Variants in HSPBAP1 observed in about 807,000 individuals in gnomAD.
The protein encoded by HSPBAP1 is HSPB1 associated protein 1.
In HSPBAP1, 27 loss-of-function variants were observed where a neutral mutation model predicts 45.2. The ratio of observed to expected loss-of-function variants is 0.60; its 90% CI spans 0.44 to 0.82. The LOEUF (loss-of-function observed/expected upper bound fraction) is 0.82. Among genes scored for constraint, HSPBAP1 ranks in the 40% least tolerant of loss-of-function variants. HSPBAP1 has a pLI of 0.00. For synonymous variants in HSPBAP1, 204 were observed against 202.7 expected, an observed-to-expected ratio of 1.01 and a Z score of -0.06; for missense variants, 510 against 590.9, an observed-to-expected ratio of 0.86 and a Z score of 1.42.
intron 3 of HSPBAP1, among the ~76,000 whole-genome samples, chr3:122,762,702 TTTTAA>T (rs781697614): frequency 2.0e-5 from 3 of 152,212 alleles, no homozygotes; most frequent in Non-Finnish European, 4.4e-5. Flanking sequence ...TGTCATGAAT[TTTTAA>T]TTTAATTCTG....
chr3:122,778,041 A>G, intron 1 of HSPBAP1, 135 bp from the exon 2 acceptor site: 1 of 644,034 alleles, frequency 1.6e-6, no homozygotes, highest in South Asian at 2.0e-5. Flanking sequence ...TACGTCATTT[A>G]CTGCTGTTTA....
At chr3:122,754,801 T>C (rs879169034) in intron 5 of HSPBAP1, 1 of 986,378 alleles carries the variant, frequency 1.0e-6, no homozygotes, top group Admixed American at 6.1e-5. Context: ...CCATTTTTGC[T>C]TAAAAGCAAA....
chr3:122,764,961 A>G (rs1286572827), intron 3 of HSPBAP1, among the ~76,000 whole-genome samples: 1 of 152,238 alleles, frequency 6.6e-6, no homozygotes, highest in Admixed American at 6.5e-5. Context: ...CCCAAAATAC[A>G]GTAGATGGAA....
At chr3:122,771,389 A>C (rs1934990867) in intron 2 of HSPBAP1, among the ~76,000 whole-genome samples, 1 of 152,196 alleles carries the variant, frequency 6.6e-6, no homozygotes. Flanking sequence ...AGGCAACTAT[A>C]ATGTTCATCC....
intron 2 of HSPBAP1, among the ~76,000 whole-genome samples, chr3:122,773,342 C>A (rs1935075118): frequency 7.7e-6 from 1 of 129,210 alleles, no homozygotes. Context: ...CAGAGTCTCA[C>A]TCTGTGGCCC....
At position 122,741,047 on chromosome 3, in the gene HSPBAP1, C is replaced by A. The variant is rs1040761242; in HGVS notation, c.892G>T (p.Ala298Ser). 6.2e-7 allele frequency: 1 copy of A among 1,614,060 alleles called. No homozygotes were observed. The highest frequency in any genetic ancestry group is 1.3e-5 in the African/African-American group (1 of 74,930). The change falls in exon 7 of 8, where the codon GCA becomes TCA. Residue 298 changes from alanine (A) to serine (S), a missense_variant. Ala to Ser is a moderately conservative substitution (Grantham distance 99). Coordinates refer to ENST00000306103, the MANE Select transcript of HSPBAP1 (RefSeq NM_024610.6). ...TRMLVCALKT[A>S]ENPQNTRAWL... ...GCTCTGGTATTTTGTGGATTCTCTGCAGTTTTCAGGGCACACACAAGCATA... is the reference window on the plus strand; with the variant it reads ...GCTCTGGTATTTTGTGGATTCTCTGAAGTTTTCAGGGCACACACAAGCATA...
At chr3:122,773,948 T>A (rs1253758536) in intron 2 of HSPBAP1, among the ~76,000 whole-genome samples, 3 of 152,234 alleles carry the variant, frequency 2.0e-5, no homozygotes, top group Admixed American at 2.0e-4. Context: ...CTGAAAGATC[T>A]TTAAGATAAA....
At chr3:122,767,225 T>G (rs538289619) in intron 3 of HSPBAP1, among the ~76,000 whole-genome samples, 1 of 152,352 alleles carries the variant, frequency 6.6e-6, no homozygotes, top group African/African-American at 2.4e-5. Flanking sequence ...GGTATGAGAA[T>G]GAAAATACAT....
At chr3:122,780,593 C>T (rs1935410204) in intron 1 of HSPBAP1, among the ~76,000 whole-genome samples, 2 of 144,606 alleles carry the variant, frequency 1.4e-5, no homozygotes, top group Admixed American at 6.8e-5. Context: ...GGCGGCTGGC[C>T]GGGCGGGGGG....
chr3:122,785,673 T>C (rs371138497), intron 1 of HSPBAP1, among the ~76,000 whole-genome samples: 1 of 152,216 alleles, frequency 6.6e-6, no homozygotes, highest in South Asian at 2.1e-4. Context: ...GTGATGGTCC[T>C]GAATAGTCTT....
At chr3:122,793,373 A>G (rs1183918423) in intron 1 of HSPBAP1, among the ~76,000 whole-genome samples, 2 of 152,262 alleles carry the variant, frequency 1.3e-5, no homozygotes, top group Non-Finnish European at 2.9e-5. Flanking sequence ...AAAACAAAAC[A>G]AAACAAAAAT....
intron 5 of HSPBAP1, chr3:122,754,613 A>G (rs1209737754): frequency 1.0e-6 from 1 of 984,306 alleles, no homozygotes; most frequent in African/African-American, 1.7e-5. Flanking sequence ...CAGGCAAGGG[A>G]GAGGGATAAT....
intron 6 of HSPBAP1, among the ~76,000 whole-genome samples, chr3:122,744,636 T>C (rs866271794): frequency 9.2e-5 from 14 of 152,230 alleles, no homozygotes; most frequent in Admixed American, 8.5e-4. Flanking sequence ...GAAATCAGCA[T>C]GAAGTTCTTA....
At chr3:122,751,948 G>A (rs1488284606) in intron 6 of HSPBAP1, among the ~76,000 whole-genome samples, 1 of 152,190 alleles carries the variant, frequency 6.6e-6, no homozygotes. Context: ...CCAGGCTTCA[G>A]GTCAAGGAGA....
chr3:122,761,235 T>C (rs1237960482), intron 3 of HSPBAP1, among the ~76,000 whole-genome samples: 5 of 152,206 alleles, frequency 3.3e-5, no homozygotes, highest in Admixed American at 6.5e-5. Context: ...CTTAATCTTA[T>C]AGATACATCC....
intron 4 of HSPBAP1, among the ~76,000 whole-genome samples, chr3:122,755,847 T>C (rs1183191615): frequency 2.0e-5 from 3 of 152,196 alleles, no homozygotes; most frequent in African/African-American, 7.2e-5. Flanking sequence ...CAAACACTCA[T>C]AGTTCTATCC....
At chr3:122,761,177 GA>G (rs375693019) in intron 3 of HSPBAP1, among the ~76,000 whole-genome samples, 5 of 152,146 alleles carry the variant, frequency 3.3e-5, no homozygotes, top group African/African-American at 9.6e-5. Context: ...GTATAAAAAG[GA>G]AAAAAGAGAG....
intron 1 of HSPBAP1, chr3:122,786,278 CTG>C (rs1203713819): frequency 6.6e-6 from 1 of 152,196 alleles, no homozygotes; most frequent in East Asian, 1.9e-4. Flanking sequence ...GTCTGACACA[CTG>C]TAGCATTCTT....
chr3:122,791,438 C>T (rs1417128149), intron 1 of HSPBAP1, among the ~76,000 whole-genome samples: 2 of 152,252 alleles, frequency 1.3e-5, no homozygotes, highest in African/African-American at 4.8e-5. Context: ...ACTCAACAAA[C>T]ATGTGGCATG....
Sources: allele counts gnomAD v4.1 joint callset (sites outside exome capture counted in the v4.1 genomes callset), GRCh38; gene constraint gnomAD v4.1.1; transcripts MANE v1.5; gene names NCBI Gene and HGNC (gene_info 2026-07-23, HGNC 2026-07-21).